Variants in AUTS2 observed in about 807,000 individuals in gnomAD.
AUTS2 encodes autism susceptibility gene 2 protein.
AUTS2 carries 17 observed loss-of-function variants against 112.4 expected under a neutral mutation model. The observed-to-expected ratio is 0.15, with a 90% CI of 0.10 to 0.23. AUTS2 has a LOEUF of 0.23. Ranked by LOEUF, AUTS2 falls within the 10% of genes least tolerant of loss-of-function variation. AUTS2 has a pLI of 1.00. For synonymous variants in AUTS2, 751 were observed against 702.7 expected (o/e 1.07, Z -1.09); for missense variants, 1,510 against 1,701.6 (o/e 0.89, Z 1.98).
chr7:70,482,268 T>G (rs1797820127), intron 5 of AUTS2, among the ~76,000 whole-genome samples: 1 of 152,138 alleles, frequency 6.6e-6, no homozygotes, highest in South Asian at 2.1e-4. Flanking sequence ...GCCCCCATAG[T>G]CCTACTCCCC....
chr7:70,356,437 C>G (rs1337464601), intron 4 of AUTS2, among the ~76,000 whole-genome samples: 1 of 152,176 alleles, frequency 6.6e-6, no homozygotes, highest in Admixed American at 6.5e-5. Context: ...TGCTTGTCAG[C>G]AAAACTAGAT....
At chr7:70,606,273 A>G (rs944527750) in intron 5 of AUTS2, among the ~76,000 whole-genome samples, 20 of 152,306 alleles carry the variant, frequency 1.3e-4, no homozygotes, top group Admixed American at 1.0e-3. Context: ...TATGAGATTA[A>G]CTAGACGATT....
chr7:69,645,329 T>C (rs1168398123), intron 1 of AUTS2, among the ~76,000 whole-genome samples: 1 of 152,158 alleles, frequency 6.6e-6, no homozygotes, highest in African/African-American at 2.4e-5. Context: ...TGGTGCTTAA[T>C]TGTACTTAGA....
intron 5 of AUTS2, among the ~76,000 whole-genome samples, chr7:70,527,622 T>TA (rs1799897164): frequency 6.6e-6 from 1 of 151,958 alleles, no homozygotes; most frequent in African/African-American, 2.4e-5. Context: ...TTTCCTTTGT[T>TA]AAAAAGGGAG....
chr7:69,922,371 G>A (rs900197985), intron 2 of AUTS2, among the ~76,000 whole-genome samples: 1 of 152,204 alleles, frequency 6.6e-6, no homozygotes, highest in African/African-American at 2.4e-5. Flanking sequence ...TAAGGAAGAT[G>A]TTGTTTTATC....
chr7:69,977,796 G>T (rs1563009962), intron 2 of AUTS2, among the ~76,000 whole-genome samples: 1 of 152,044 alleles, frequency 6.6e-6, no homozygotes, highest in Non-Finnish European at 1.5e-5. Context: ...CAAATCTGAT[G>T]ACATCATATA....
At chr7:70,706,398 G>A (rs2129548375) in intron 6 of AUTS2, among the ~76,000 whole-genome samples, 1 of 152,320 alleles carries the variant, frequency 6.6e-6, no homozygotes, top group Middle Eastern at 3.4e-3. Context: ...CAATGGAGTA[G>A]GAAGTAAACT....
At chr7:70,477,857 C>T (rs1797640696) in intron 5 of AUTS2, among the ~76,000 whole-genome samples, 2 of 33,728 alleles carry the variant, frequency 5.9e-5, no homozygotes, top group South Asian at 5.5e-4. Context: ...GATAAGCTTA[C>T]ATTCCACCCA....
intron 3 of AUTS2, among the ~76,000 whole-genome samples, chr7:70,133,870 C>T (rs1004096852): frequency 6.6e-6 from 1 of 152,164 alleles, no homozygotes; most frequent in African/African-American, 2.4e-5. Flanking sequence ...TGTGTCAGAA[C>T]TATGACAGCC....
intron 1 of AUTS2, among the ~76,000 whole-genome samples, chr7:69,850,089 G>T (rs1792395524): frequency 6.6e-6 from 1 of 151,996 alleles, no homozygotes; most frequent in South Asian, 2.1e-4. Flanking sequence ...GAGGTCAGGA[G>T]ATTGAGACCA....
At chr7:70,037,462 T>G (rs1801057272) in intron 2 of AUTS2, among the ~76,000 whole-genome samples, 1 of 152,196 alleles carries the variant, frequency 6.6e-6, no homozygotes. Context: ...TAGTAACCTT[T>G]TACTATATAT....
intron 4 of AUTS2, among the ~76,000 whole-genome samples, chr7:70,384,171 G>A (rs535112457): frequency 6.6e-6 from 1 of 152,312 alleles, no homozygotes; most frequent in South Asian, 2.1e-4. Flanking sequence ...GCTCATGGTT[G>A]CCCGTGTTCC....
chr7:70,140,865 C>G (rs1187130145), intron 4 of AUTS2, among the ~76,000 whole-genome samples: 1 of 152,150 alleles, frequency 6.6e-6, no homozygotes, highest in Non-Finnish European at 1.5e-5. Flanking sequence ...AAACTACTCT[C>G]CAGATGGAGA....
intron 2 of AUTS2, among the ~76,000 whole-genome samples, chr7:70,061,407 G>A (rs773276194): frequency 2.4e-4 from 36 of 152,254 alleles, no homozygotes; most frequent in Admixed American, 1.4e-3. Context: ...CTCTCAAGGA[G>A]GGAATAAGAG....
At chr7:70,379,616 C>T (rs911553420) in intron 4 of AUTS2, among the ~76,000 whole-genome samples, 2 of 152,004 alleles carry the variant, frequency 1.3e-5, no homozygotes, top group African/African-American at 4.8e-5. Flanking sequence ...CATTTCAGTG[C>T]AGAATAAAAG....
chr7:70,368,078 T>C (rs375878643), intron 4 of AUTS2, among the ~76,000 whole-genome samples: 1 of 152,146 alleles, frequency 6.6e-6, no homozygotes, highest in East Asian at 1.9e-4. Context: ...TAGTAAGGGG[T>C]TTGGAATCAC....
At chr7:69,956,316 C>G (rs1260222246) in intron 2 of AUTS2, among the ~76,000 whole-genome samples, 2 of 152,124 alleles carry the variant, frequency 1.3e-5, no homozygotes, top group Non-Finnish European at 2.9e-5. Context: ...TGCACATGCT[C>G]AAATGCACAT....
At chr7:70,104,618 A>G (rs1389274711) in intron 2 of AUTS2, among the ~76,000 whole-genome samples, 3 of 152,228 alleles carry the variant, frequency 2.0e-5, no homozygotes, top group Non-Finnish European at 4.4e-5. Flanking sequence ...TATTAAAACC[A>G]TCTGTTTGTT....
chr7:69,721,002 A>C (rs75419527), intron 1 of AUTS2, among the ~76,000 whole-genome samples: 185 of 152,316 alleles, frequency 1.2e-3, no homozygotes, highest in African/African-American at 4.2e-3. Flanking sequence ...AAAAAGAAGA[A>C]GAGACTGGAG....
Sources: allele counts gnomAD v4.1 joint callset (sites outside exome capture counted in the v4.1 genomes callset), GRCh38; gene constraint gnomAD v4.1.1; transcripts MANE v1.5; gene names NCBI Gene and HGNC (gene_info 2026-07-23, HGNC 2026-07-21).